Variants in FAM117A observed in about 807,000 individuals in gnomAD.
The protein encoded by FAM117A is family with sequence similarity 117 member A.
A neutral mutation model predicts 44.1 loss-of-function variants in FAM117A; 21 were observed. That is an observed-to-expected ratio of 0.48 (90% CI 0.34 to 0.69). The LOEUF (loss-of-function observed/expected upper bound fraction) is 0.69, where lower values mean the gene tolerates loss of function less well. FAM117A is among the 30% of genes least tolerant of loss of function. The pLI, the probability that FAM117A is intolerant of heterozygous loss-of-function variation, is 0.01. For missense variants in FAM117A, 498 were observed against 589.9 expected, an observed-to-expected ratio of 0.84 and a Z score of 1.61; for synonymous variants, 220 against 238.3, an observed-to-expected ratio of 0.92 and a Z score of 0.71.
intron 1 of FAM117A, among the ~76,000 whole-genome samples, chr17:49,774,338 G>C (rs569336241): frequency 2.2e-4 from 33 of 147,352 alleles, no homozygotes; most frequent in Non-Finnish European, 4.3e-4. Flanking sequence ...TAGAGGCATG[G>C]TTTTGTCATA....
chr17:49,758,169 A>G (rs1050492940), intron 1 of FAM117A, among the ~76,000 whole-genome samples: 6 of 151,818 alleles, frequency 4.0e-5, no homozygotes, highest in African/African-American at 1.2e-4. Context: ...GTCTCTAATA[A>G]AAATACAAAA....
chr17:49,763,265 C>A (rs567909562), intron 1 of FAM117A, among the ~76,000 whole-genome samples: 18 of 152,180 alleles, frequency 1.2e-4, no homozygotes, highest in Middle Eastern at 3.4e-3. Flanking sequence ...ATGCAGGGAG[C>A]TGGGCATTTG....
chr17:49,720,044 C>G, intron 4 of FAM117A, 150 bp from the exon 5 acceptor site: 1 of 1,131,330 alleles, frequency 8.8e-7, no homozygotes, highest in Non-Finnish European at 1.2e-6. Context: ...AATAGGTCCA[C>G]TCAGGGCAGT....
chr17:49,771,160 T>C (rs915273136), intron 1 of FAM117A, among the ~76,000 whole-genome samples: 1 of 152,210 alleles, frequency 6.6e-6, no homozygotes, highest in Non-Finnish European at 1.5e-5. Context: ...TGAGCCAAGA[T>C]TGTGCCACTG....
upstream of FAM117A, chr17:49,788,604 T>C: frequency 2.1e-6 from 1 of 483,536 alleles, no homozygotes. Context: ...CCCAGCACCC[T>C]CTCTGGCCCG....
chr17:49,781,806 G>A (rs1241733434), intron 1 of FAM117A, among the ~76,000 whole-genome samples: 3 of 151,914 alleles, frequency 2.0e-5, no homozygotes, highest in Admixed American at 6.6e-5. Context: ...GTGAGACCCC[G>A]ATCTCTACAG....
At chr17:49,783,101 G>A (rs1262979816) in intron 1 of FAM117A, among the ~76,000 whole-genome samples, 1 of 152,222 alleles carries the variant, frequency 6.6e-6, no homozygotes, top group Non-Finnish European at 1.5e-5. Flanking sequence ...TTCTTGGTAA[G>A]TGAATGTGGG....
intron 1 of FAM117A, among the ~76,000 whole-genome samples, chr17:49,734,127 A>C (rs1042340271): frequency 6.7e-6 from 1 of 148,458 alleles, no homozygotes; most frequent in African/African-American, 2.5e-5. Context: ...TGGACAACAG[A>C]GCGAGACTCT....
intron 1 of FAM117A, among the ~76,000 whole-genome samples, chr17:49,775,949 T>C (rs1337570995): frequency 1.3e-5 from 2 of 152,176 alleles, no homozygotes; most frequent in Non-Finnish European, 2.9e-5. Context: ...TTCTGAATTC[T>C]TCTCCTGATG....
intron 7 of FAM117A, among the ~76,000 whole-genome samples, chr17:49,715,816 C>CTGATTATGG (rs2073499837): frequency 6.6e-6 from 1 of 152,118 alleles, no homozygotes; most frequent in Admixed American, 6.6e-5. Flanking sequence ...ATCTCTCGCT[C>CTGATTATGG]TCGCTCTCTC....
At chr17:49,745,013 C>CAAAAAAA (rs34358343) in intron 1 of FAM117A, among the ~76,000 whole-genome samples, 2 of 71,964 alleles carry the variant, frequency 2.8e-5, no homozygotes, top group Non-Finnish European at 5.0e-5. Context: ...GACTCTGTCT[C>CAAAAAAA]AAAAAAAAAA....
intron 1 of FAM117A, among the ~76,000 whole-genome samples, chr17:49,748,600 T>C (rs936777658): frequency 6.6e-6 from 1 of 152,154 alleles, no homozygotes; most frequent in African/African-American, 2.4e-5. Flanking sequence ...ATCTATTTCA[T>C]ACAACTAGCT....
intron 3 of FAM117A, 31 bp from the exon 4 acceptor site, chr17:49,720,467 A>G: frequency 6.3e-7 from 1 of 1,593,708 alleles, no homozygotes; most frequent in South Asian, 1.1e-5. Context: ...CGACAGAGGC[A>G]GATTAAGGAA....
At chr17:49,740,103 T>C (rs1365004629) in intron 1 of FAM117A, among the ~76,000 whole-genome samples, 1 of 152,178 alleles carries the variant, frequency 6.6e-6, no homozygotes. Context: ...GAGGGAGCTA[T>C]GAGTGGAGAG....
intron 1 of FAM117A, among the ~76,000 whole-genome samples, chr17:49,741,738 C>A (rs1042022135): frequency 6.6e-6 from 1 of 152,184 alleles, no homozygotes; most frequent in African/African-American, 2.4e-5. Flanking sequence ...GCAGTAAGCA[C>A]GGGAAGTTCC....
intron 1 of FAM117A, among the ~76,000 whole-genome samples, chr17:49,733,320 GT>G (rs2073594482): frequency 6.6e-6 from 1 of 152,172 alleles, no homozygotes; most frequent in South Asian, 2.1e-4. Context: ...AAACATCCAA[GT>G]TTTTTGGTTC....
chr17:49,730,333 CCA>C (rs1440730437), intron 2 of FAM117A, among the ~76,000 whole-genome samples: 1 of 152,200 alleles, frequency 6.6e-6, no homozygotes, highest in African/African-American at 2.4e-5. Context: ...GGCAAGAAGC[CCA>C]GACTTGTTAT....
At chr17:49,756,916 CAAAAAA>C (rs59004870) in intron 1 of FAM117A, among the ~76,000 whole-genome samples, 1 of 109,940 alleles carries the variant, frequency 9.1e-6, no homozygotes. Context: ...GACTCTGCCT[CAAAAAA>C]AAAAAAAAAA....
intron 6 of FAM117A, among the ~76,000 whole-genome samples, chr17:49,717,069 T>TAA (rs1028712494): frequency 6.2e-5 from 9 of 145,026 alleles, no homozygotes; most frequent in East Asian, 6.0e-4. Context: ...AGATTTGGAG[T>TAA]AAAAAAAAAA....
Sources: gnomAD v4.1 joint callset for allele counts (sites outside exome capture counted in the v4.1 genomes callset) on GRCh38, gnomAD v4.1.1 for gene constraint, MANE v1.5 for transcripts, NCBI Gene and HGNC (gene_info 2026-07-23, HGNC 2026-07-21) for gene names.